GOLGA5: variants seen among roughly 807,000 people sequenced by gnomAD.
GOLGA5 encodes the protein golgin subfamily A member 5.
Under a neutral mutation model 93.5 loss-of-function variants are expected in GOLGA5, and 50 were observed. The ratio of observed to expected loss-of-function variants is 0.53; its 90% CI spans 0.43 to 0.68. GOLGA5 has a LOEUF of 0.68. GOLGA5 is among the 30% of genes least tolerant of loss of function. The pLI is 0.00. For synonymous variants in GOLGA5, 312 were observed against 304.5 expected (o/e 1.02, Z -0.26); for missense variants, 760 against 856.4 (o/e 0.89, Z 1.40).
chr14:92,796,748 A>T (rs1241852582), intron 1 of GOLGA5, among the ~76,000 whole-genome samples: 5 of 140,920 alleles, frequency 3.5e-5, no homozygotes, highest in Non-Finnish European at 6.1e-5. Context: ...AGGCGGGTGG[A>T]TCATGAGGTC....
intron 8 of GOLGA5, 95 bp downstream of exon 8, chr14:92,819,931 T>C (rs1885281688): frequency 6.4e-6 from 8 of 1,241,738 alleles, no homozygotes; most frequent in Non-Finnish European, 8.8e-6. Context: ...ATTTTTAGAG[T>C]ATGGGCTTAG....
chr14:92,797,918 G>A lies in GOLGA5; in HGVS notation c.481G>A (p.Val161Met). 6.2e-7 allele frequency: 1 copy of A among 1,610,104 alleles called. No homozygotes were observed. Among genetic ancestry groups the A allele is most frequent in the African/African-American group, 1.3e-5 (1 of 74,696 alleles). The change falls in exon 2 of 13, where the codon GTG becomes ATG. Residue 161 changes from valine to methionine, a missense_variant. Physicochemically the swap from Val to Met is conservative, Grantham distance 21. Transcript: ENST00000163416. ...CTCTCAGACATCAAGTGTCAGTTCTGTGAACCCCAGTGTAACCACCATCAA... is the reference window on the plus strand; with the variant it reads ...CTCTCAGACATCAAGTGTCAGTTCTATGAACCCCAGTGTAACCACCATCAA... ...QSSQTSSVSSVNPSVTTIKTI... is the reference protein window; with the variant it reads ...QSSQTSSVSSMNPSVTTIKTI...
chr14:92,807,226 A>G (rs45539743), intron 3 of GOLGA5, among the ~76,000 whole-genome samples: 12,478 of 152,122 alleles, frequency 0.082, 710 homozygotes, highest in South Asian at 0.26. Context: ...TGCTTGAACC[A>G]GGGAGGTGGA....
intron 9 of GOLGA5, among the ~76,000 whole-genome samples, chr14:92,824,976 C>T (rs1164269608): frequency 6.6e-6 from 1 of 152,164 alleles, no homozygotes; most frequent in South Asian, 2.1e-4. Flanking sequence ...TAAGAAAAAT[C>T]TAATGATACA....
At chr14:92,796,746 G>A (rs1017263075) in intron 1 of GOLGA5, among the ~76,000 whole-genome samples, 10 of 141,310 alleles carry the variant, frequency 7.1e-5, no homozygotes, top group Non-Finnish European at 3.0e-5. Flanking sequence ...CGAGGCGGGT[G>A]GATCATGAGG....
At chr14:92,812,677 A>G (rs1885126832) in intron 6 of GOLGA5, among the ~76,000 whole-genome samples, 1 of 152,170 alleles carries the variant, frequency 6.6e-6, no homozygotes, top group African/African-American at 2.4e-5. Context: ...GTATTTTGGT[A>G]GAACATTTGG....
intron 2 of GOLGA5, among the ~76,000 whole-genome samples, chr14:92,805,175 C>G (rs935912353): frequency 6.6e-6 from 1 of 151,192 alleles, no homozygotes; most frequent in East Asian, 1.9e-4. Flanking sequence ...ATCTCCTCAC[C>G]CCGTCCCTGA....
At chr14:92,826,456 G>T (rs1885423757) in intron 9 of GOLGA5, among the ~76,000 whole-genome samples, 1 of 152,088 alleles carries the variant, frequency 6.6e-6, no homozygotes, top group African/African-American at 2.4e-5. Flanking sequence ...AGCACTTTGG[G>T]AGGCCAAGGT....
intron 10 of GOLGA5, among the ~76,000 whole-genome samples, chr14:92,834,060 A>T (rs1885584949): frequency 6.6e-6 from 1 of 151,622 alleles, no homozygotes; most frequent in African/African-American, 2.4e-5. Context: ...AAATGAAATT[A>T]TAAATAAGTA....
chr14:92,835,408 G>A (rs1445244902), intron 10 of GOLGA5, 151 bp from the exon 11 acceptor site: 1 of 471,086 alleles, frequency 2.1e-6, no homozygotes, highest in African/African-American at 1.9e-5. Flanking sequence ...AAATTTACCT[G>A]TCCTTTCTTT....
At chr14:92,810,470 T>G in intron 5 of GOLGA5, 93 bp downstream of exon 5, 1 of 880,556 alleles carries the variant, frequency 1.1e-6, no homozygotes, top group Non-Finnish European at 1.6e-6. Context: ...TCTAATATAA[T>G]TCTGCAATGC....
At chr14:92,802,525 TG>T in intron 2 of GOLGA5, among the ~76,000 whole-genome samples, 1 of 152,228 alleles carries the variant, frequency 6.6e-6, no homozygotes, top group South Asian at 2.1e-4. Context: ...TTTTGTATCT[TG>T]TTCTTTGTCT....
At chr14:92,826,532 T>C (rs772588437) in intron 9 of GOLGA5, among the ~76,000 whole-genome samples, 5 of 151,798 alleles carry the variant, frequency 3.3e-5, no homozygotes, top group Non-Finnish European at 5.9e-5. Flanking sequence ...CCTGTCTCTA[T>C]TGAAAATACA....
intron 2 of GOLGA5, among the ~76,000 whole-genome samples, chr14:92,801,308 A>C (rs2140312782): frequency 6.6e-6 from 1 of 152,310 alleles, no homozygotes; most frequent in Admixed American, 6.5e-5. Context: ...CCACATTTTC[A>C]CCAACATTTT....
intron 9 of GOLGA5, among the ~76,000 whole-genome samples, chr14:92,826,697 CAAAAAAA>C (rs200131503): frequency 9.9e-6 from 1 of 101,066 alleles, no homozygotes; most frequent in Non-Finnish European, 2.1e-5. Context: ...GACTCTATCT[CAAAAAAA>C]AAAAAAAGAA....
At position 92,837,040 on chromosome 14, in the gene GOLGA5, C is replaced by T. The variant is rs1885656484; in HGVS notation, c.2052-346C>T. ...GGGCAGAGATCGCGCCATTGCACTCCAGCCTGGGCGACAGGAGAGAAACTC... is the reference window on the plus strand; with the variant it reads ...GGGCAGAGATCGCGCCATTGCACTCTAGCCTGGGCGACAGGAGAGAAACTC... On this transcript the variant is annotated intron_variant, in intron 11 of 12. Transcript: ENST00000163416. Among the ~76,000 whole-genome samples the T allele has an allele frequency of 4.0e-5, 6 of 151,526 alleles. No homozygotes were observed. The South Asian group carries it at 1.3e-3, about 32-fold the overall frequency.
chr14:92,799,442 A>AT (rs1398774251), intron 2 of GOLGA5, among the ~76,000 whole-genome samples: 3 of 49,082 alleles, frequency 6.1e-5, no homozygotes, highest in Admixed American at 3.6e-4. Context: ...ACGCCTGGCT[A>AT]ATTTTTTTTT....
At chr14:92,824,674 A>C in intron 9 of GOLGA5, 30 bp downstream of exon 9, 2 of 1,104,272 alleles carry the variant, frequency 1.8e-6, no homozygotes, top group Non-Finnish European at 2.7e-6. Flanking sequence ...ACTTGTGAAA[A>C]GATGCCACTG....
At chr14:92,803,509 TAA>T (rs937241113) in intron 2 of GOLGA5, among the ~76,000 whole-genome samples, 2 of 152,252 alleles carry the variant, frequency 1.3e-5, no homozygotes, top group African/African-American at 4.8e-5. Context: ...AACTCTGTGC[TAA>T]AACCATCAGG....
Sources: gnomAD v4.1 joint callset for allele counts (sites outside exome capture counted in the v4.1 genomes callset) on GRCh38, gnomAD v4.1.1 for gene constraint, MANE v1.5 for transcripts, NCBI Gene and HGNC (gene_info 2026-07-23, HGNC 2026-07-21) for gene names.